The following RAB3IL1 variants were observed in gnomAD, a reference collection of about 807,000 sequenced individuals.
The protein encoded by RAB3IL1 is guanine nucleotide exchange factor for Rab-3A.
A neutral mutation model predicts 49.2 loss-of-function variants in RAB3IL1; 37 were observed. That is an observed-to-expected ratio of 0.75 (90% CI 0.58 to 0.99). The LOEUF (loss-of-function observed/expected upper bound fraction) is 0.99, where lower values mean the gene tolerates loss of function less well. RAB3IL1 is among the 50% of genes least tolerant of loss of function. The pLI, the probability that RAB3IL1 is intolerant of heterozygous loss-of-function variation, is 0.00. For synonymous variants in RAB3IL1, 193 were observed against 213.9 expected, an observed-to-expected ratio of 0.90 and a Z score of 0.85; for missense variants, 484 against 513.0, an observed-to-expected ratio of 0.94 and a Z score of 0.55.
the RAB3IL1 span, among the ~76,000 whole-genome samples, chr11:61,939,454 A>G: frequency 1.3e-5 from 2 of 152,136 alleles, no homozygotes; most frequent in Admixed American, 1.3e-4. Flanking sequence ...TAAACTTCCA[A>G]TTTAAGGAAC....
Position 61,904,765 on chromosome 11 carries a change from T to C in RAB3IL1, c.775A>G (p.Thr259Ala), listed in dbSNP as rs766509501. 4 of 1,604,862 alleles carry C rather than the reference T, an allele frequency of 2.5e-6. No individual in the cohort carries two copies. The highest frequency in any genetic ancestry group is 1.7e-6 in the Non-Finnish European group (2 of 1,176,364). ...CTGCCATGCCTCACCTCCTGCATTG[T>C]GAAGTCCAGGCAGGGGCCCACGTCC... ...REDVGPCLDF[T>A]MQELSVLVRA... Residue 259 changes from threonine to alanine, a missense_variant, in exon 6 of 10, where the codon ACA (threonine) becomes GCA (alanine). By Grantham distance (58) the Thr-to-Ala change is moderately conservative (BLOSUM62 0). Coordinates refer to ENST00000394836, the MANE Select transcript of RAB3IL1 (RefSeq NM_013401.4).
upstream of RAB3IL1, among the ~76,000 whole-genome samples, chr11:61,920,854 C>T (rs549527832): frequency 6.1e-4 from 93 of 152,136 alleles, no homozygotes; most frequent in Non-Finnish European, 1.1e-3. Context: ...ACCCGGGAGG[C>T]GGAGGTTGCG....
intron 7 of RAB3IL1, among the ~76,000 whole-genome samples, 184 bp downstream of exon 7, chr11:61,904,362 G>A (rs112616074): frequency 0.01 from 1,541 of 152,214 alleles, 23 homozygotes; most frequent in African/African-American, 0.035. Flanking sequence ...CCTAGCTCCC[G>A]GCCTCTCTGG....
chr11:61,944,066 CCCCTCCCCTCCCTTCCT>C, the RAB3IL1 span, among the ~76,000 whole-genome samples: 1 of 151,692 alleles, frequency 6.6e-6, no homozygotes, highest in Non-Finnish European at 1.5e-5. Context: ...GAATCTTCCT[CCCCTCCCCTCCCTTCCT>C]CCCTCCTTCA....
the RAB3IL1 span, among the ~76,000 whole-genome samples, chr11:61,926,703 G>A: frequency 2.5e-4 from 38 of 150,354 alleles, no homozygotes; most frequent in Non-Finnish European, 4.4e-4. Flanking sequence ...AAAGGTGCAC[G>A]CCACCATGCC....
At position 61,898,266 on chromosome 11, in the gene RAB3IL1, C is replaced by G. The variant is rs1938711505; in HGVS notation, c.*12G>C. On this transcript the variant is annotated 3_prime_UTR_variant, in exon 10 of 10. Coordinates refer to ENST00000394836, the MANE Select transcript of RAB3IL1 (RefSeq NM_013401.4). This position sits in a 1 kb window ranked among gnomAD's most constrained non-coding sequence, Gnocchi z 5.1. ...TCTGTCTCAGAGCTCCCCTTCAGGCCTGGGCCGCGCCCTAAGCCTCCTGGG... is the reference window on the plus strand; with the variant it reads ...TCTGTCTCAGAGCTCCCCTTCAGGCGTGGGCCGCGCCCTAAGCCTCCTGGG... 1 of 1,611,562 alleles carries G rather than the reference C, an allele frequency of 6.2e-7. No homozygotes were observed. The highest frequency in any genetic ancestry group is 1.3e-5 in the African/African-American group (1 of 75,064).
chr11:61,934,317 T>TACACACACACACACAC, the RAB3IL1 span, among the ~76,000 whole-genome samples: 73 of 33,210 alleles, frequency 2.2e-3, no homozygotes, highest in African/African-American at 7.9e-3. Context: ...CCTGAGTAAA[T>TACACACACACACACAC]ATACACACAC....
intron 5 of RAB3IL1, among the ~76,000 whole-genome samples, chr11:61,905,890 G>A (rs577994148): frequency 4.3e-4 from 66 of 152,282 alleles, no homozygotes; most frequent in African/African-American, 1.5e-3. Flanking sequence ...GGCCTCATTT[G>A]CCTACAGACC....
At chr11:61,937,691 G>C in the RAB3IL1 span, among the ~76,000 whole-genome samples, 1 of 151,558 alleles carries the variant, frequency 6.6e-6, no homozygotes, top group Non-Finnish European at 1.5e-5. Flanking sequence ...ATCAAAATGG[G>C]GCACTAGAAA....
At chr11:61,926,849 C>T in the RAB3IL1 span, among the ~76,000 whole-genome samples, 2 of 151,660 alleles carry the variant, frequency 1.3e-5, no homozygotes, top group South Asian at 4.2e-4. Flanking sequence ...CACACCTGGC[C>T]GAGATACAGA....
Position 61,898,072 on chromosome 11 carries a change from A to C in RAB3IL1, c.*206T>G. 1.8e-6 allele frequency: 1 copy of C among 565,526 alleles called. No individual in the cohort carries two copies. Among genetic ancestry groups the C allele is most frequent in the Non-Finnish European group, 3.2e-6 (1 of 316,566 alleles). 35.0% of individuals were successfully genotyped at this position (565,526 alleles called of 1,614,324 possible). A position where few individuals can be genotyped will look rare whatever the true frequency, so the allele number is the denominator to read the frequency against. ...GGTGGCAGAACCCAGTGGGGAAGAG[A>C]GGGGGGTCTTGCCGTGAAGTCCAGG... is the stretch of plus-strand genomic sequence containing the variant. On this transcript the variant is annotated 3_prime_UTR_variant, in exon 10 of 10. Coordinates refer to ENST00000394836, the MANE Select transcript of RAB3IL1 (RefSeq NM_013401.4). The surrounding 1 kb of genome is among the most constrained non-coding windows in gnomAD (Gnocchi z 5.1).
the RAB3IL1 span, among the ~76,000 whole-genome samples, chr11:61,930,547 GA>G: frequency 6.6e-6 from 1 of 152,306 alleles, no homozygotes; most frequent in East Asian, 1.9e-4. Flanking sequence ...GGGAGGCTGA[GA>G]AGGGAGGATC....
intron 1 of RAB3IL1, among the ~76,000 whole-genome samples, chr11:61,915,002 G>A (rs1169746727): frequency 6.6e-6 from 1 of 152,118 alleles, no homozygotes; most frequent in Non-Finnish European, 1.5e-5. Flanking sequence ...GGCACCCAGT[G>A]GGGGCTAGCA....
chr11:61,935,735 A>T, the RAB3IL1 span, among the ~76,000 whole-genome samples: 3 of 151,788 alleles, frequency 2.0e-5, no homozygotes, highest in African/African-American at 7.3e-5. Flanking sequence ...GGCTGGTCTC[A>T]AACTCCTGGC....
intron 9 of RAB3IL1, chr11:61,899,026 G>A: frequency 3.7e-6 from 2 of 543,132 alleles, no homozygotes; most frequent in East Asian, 3.7e-5. Context: ...AGGTGACCAG[G>A]AGGAGGGGCC....
chr11:61,945,287 C>G, the RAB3IL1 span, among the ~76,000 whole-genome samples: 1 of 152,200 alleles, frequency 6.6e-6, no homozygotes, highest in South Asian at 2.1e-4. Context: ...GCTTAGTGCA[C>G]TGCCTGACAC....
chr11:61,899,782 C>T, intron 8 of RAB3IL1: 1 of 198,558 alleles, frequency 5.0e-6, no homozygotes, highest in Non-Finnish European at 1.1e-5. Flanking sequence ...CACAGGCCGG[C>T]TTGCTCCAGA....
At chr11:61,941,681 G>A in the RAB3IL1 span, among the ~76,000 whole-genome samples, 1 of 152,136 alleles carries the variant, frequency 6.6e-6, no homozygotes, top group African/African-American at 2.4e-5. Flanking sequence ...GAACCCAGGA[G>A]GCGGAGCTTG....
chr11:61,917,474 G>T lies in RAB3IL1; in HGVS notation c.-107C>A, dbSNP rs1939750973. ...CCGCCAGGGGCCGAGCCGCCCCACC[G>T]CCTGTCAGCCCTGCCCGCGGCCGGT... is the stretch of plus-strand genomic sequence containing the variant. On this transcript the variant is annotated 5_prime_UTR_variant, in exon 1 of 10. Coordinates refer to ENST00000394836, the MANE Select transcript of RAB3IL1 (RefSeq NM_013401.4). The T allele has an allele frequency of 6.9e-6, 8 of 1,155,038 alleles. No homozygotes were observed. Among genetic ancestry groups the T allele is most frequent in the Middle Eastern group, 3.6e-4 (1 of 2,800 alleles). 71.5% of individuals were successfully genotyped at this position (1,155,038 alleles called of 1,614,324 possible). A position where few individuals can be genotyped will look rare whatever the true frequency, so the allele number is the denominator to read the frequency against.
Sources: gnomAD v4.1 joint callset for allele counts (sites outside exome capture counted in the v4.1 genomes callset) on GRCh38, gnomAD v4.1.1 for gene constraint, Gnocchi (gnomAD v3.1) non-coding constraint, MANE v1.5 for transcripts, NCBI Gene and HGNC (gene_info 2026-07-23, HGNC 2026-07-21) for gene names.